CNKSR2: variants seen among roughly 807,000 people sequenced by gnomAD.
The protein encoded by CNKSR2 is CNK homolog protein 2.
A neutral mutation model predicts 84.4 loss-of-function variants in CNKSR2; 14 were observed. That is an observed-to-expected ratio of 0.17 (90% confidence interval 0.11 to 0.26). The LOEUF (loss-of-function observed/expected upper bound fraction) is 0.26, where lower values mean the gene tolerates loss of function less well. Ranked by LOEUF, CNKSR2 falls within the 10% of genes least tolerant of loss-of-function variation. The pLI, the probability that CNKSR2 is intolerant of heterozygous loss-of-function variation, is 1.00. For missense variants in CNKSR2, 485 were observed against 771.2 expected, an observed-to-expected ratio of 0.63 and a Z score of 4.40; for synonymous variants, 275 against 277.9, an observed-to-expected ratio of 0.99 and a Z score of 0.10.
At chrX:21,436,783 C>T (rs891454465) in intron 3 of CNKSR2, among the ~76,000 whole-genome samples, 1 of 110,969 alleles carries the variant, frequency 9.0e-6, no homozygotes, top group African/African-American at 3.3e-5. Flanking sequence ...ATCGTTTTTA[C>T]TCTCATAGAT....
intron 21 of CNKSR2, among the ~76,000 whole-genome samples, chrX:21,651,166 T>C (rs778408679): frequency 1.2e-3 from 134 of 112,101 alleles, no homozygotes; most frequent in African/African-American, 4.1e-3. Context: ...TCACTAAGTA[T>C]TGATGAATCA....
intron 5 of CNKSR2, among the ~76,000 whole-genome samples, chrX:21,472,333 A>G (rs767441630): frequency 8.9e-6 from 1 of 111,892 alleles, no homozygotes; most frequent in Non-Finnish European, 1.9e-5. Context: ...CATTGTGTTT[A>G]CTTCAAGGCT....
chrX:21,618,030 G>A (rs1430929209), intron 20 of CNKSR2, among the ~76,000 whole-genome samples: 2 of 107,321 alleles, frequency 1.9e-5, no homozygotes, highest in African/African-American at 6.8e-5. Flanking sequence ...AGTACTTTCA[G>A]TTTATACCAA....
chrX:21,599,628 G>T (rs947801737), intron 17 of CNKSR2, among the ~76,000 whole-genome samples: 3 of 111,338 alleles, frequency 2.7e-5, no homozygotes, highest in Admixed American at 1.9e-4. Context: ...GCCTCCCAAA[G>T]TGCTGGGATT....
chrX:21,390,497 A>G (rs919353166), intron 1 of CNKSR2, among the ~76,000 whole-genome samples: 1 of 111,132 alleles, frequency 9.0e-6, no homozygotes, highest in Non-Finnish European at 1.9e-5. Context: ...AAGAGAGCAA[A>G]GGGAAAGGTG....
At chrX:21,556,869 G>A (rs775336037) in intron 11 of CNKSR2, among the ~76,000 whole-genome samples, 3 of 110,366 alleles carry the variant, frequency 2.7e-5, no homozygotes, top group Admixed American at 1.9e-4. Flanking sequence ...TTTAAAAAAC[G>A]ATTGGAGAAA....
rs140471773 is a variant in CNKSR2, at chrX:21,647,922, C to T, written c.2693-909C>T. 8.4e-4 allele frequency among the ~76,000 whole-genome samples: 94 copies of T among 111,402 alleles called. 1 individual carries two copies. In the East Asian group the frequency reaches 0.02, roughly 23 times the overall value. The stretch of plus-strand genomic sequence containing the variant: ...TCCAATCTACCACTCCAAGCAAAAT[C>T]CTAGTTCATCTTTGTTTATCATTGT... On this transcript the variant is annotated intron_variant, in intron 20 of 21. Transcript: ENST00000379510.
At chrX:21,382,249 G>A (rs760233642) in intron 1 of CNKSR2, among the ~76,000 whole-genome samples, 1 of 111,596 alleles carries the variant, frequency 9.0e-6, no homozygotes, top group South Asian at 3.7e-4. Flanking sequence ...CATAGTTGTA[G>A]TGCTCTAGCC....
chrX:21,645,767 G>C (rs1421087394), intron 20 of CNKSR2: 5 of 111,255 alleles, frequency 4.5e-5, no homozygotes, highest in Non-Finnish European at 7.6e-5. Context: ...AGGAGATGAA[G>C]AAGAGGGCAA....
chrX:21,646,425 A>G (rs1463931957), intron 20 of CNKSR2, among the ~76,000 whole-genome samples: 1 of 111,895 alleles, frequency 8.9e-6, no homozygotes, highest in Non-Finnish European at 1.9e-5. Flanking sequence ...TTGAATCTTC[A>G]TTCATCCTTC....
intron 3 of CNKSR2, among the ~76,000 whole-genome samples, chrX:21,437,884 C>T (rs748606366): frequency 7.5e-4 from 84 of 111,302 alleles, no homozygotes; most frequent in Non-Finnish European, 1.3e-3. Flanking sequence ...GGATTTTTAA[C>T]AGTTGGTTTC....
At chrX:21,392,313 G>C (rs778224516) in intron 1 of CNKSR2, among the ~76,000 whole-genome samples, 1 of 111,551 alleles carries the variant, frequency 9.0e-6, no homozygotes, top group South Asian at 3.7e-4. Context: ...GTGTTAGTCC[G>C]TTCTCACGTT....
chrX:21,648,826 T>TTTTTGG lies in CNKSR2; in HGVS notation c.2693-5_2693-4insTTTTGG. On this transcript the variant is annotated splice_region_variant and splice_polypyrimidine_tract_variant and intron_variant, in intron 20 of 21. Transcript: ENST00000379510. ...TTTTTTTTTTTTTTTTTTTGGATGT[T>TTTTTGG]GCAGGTGAAAGCAGAGAAGAAAAGT... 1.0e-6 allele frequency: 1 copy of TTTTTGG among 1,001,516 alleles called. No homozygotes were observed. The highest frequency in any genetic ancestry group is 1.3e-6 in the Non-Finnish European group (1 of 758,544). The allele number at this position is 1,001,516 out of a possible 1,213,427, so 82.5% of individuals were successfully genotyped here.
intron 11 of CNKSR2, among the ~76,000 whole-genome samples, chrX:21,534,299 T>C (rs1444476330): frequency 1.8e-5 from 2 of 110,725 alleles, no homozygotes; most frequent in Non-Finnish European, 3.8e-5. Context: ...TATTCTGATA[T>C]ATATATATAT....
intron 5 of CNKSR2, among the ~76,000 whole-genome samples, chrX:21,475,353 T>G (rs1469179312): frequency 8.9e-6 from 1 of 111,923 alleles, no homozygotes; most frequent in African/African-American, 3.2e-5. Flanking sequence ...TTCTAAAAAA[T>G]AAGTATTTTT....
At chrX:21,624,079 G>T (rs2092612678) in intron 20 of CNKSR2, among the ~76,000 whole-genome samples, 1 of 111,552 alleles carries the variant, frequency 9.0e-6, no homozygotes, top group Non-Finnish European at 1.9e-5. Context: ...CTGATATTTA[G>T]AACTACCTTT....
intron 5 of CNKSR2, among the ~76,000 whole-genome samples, chrX:21,482,318 A>G (rs56948066): frequency 0.088 from 9,840 of 111,555 alleles, 1,084 homozygotes; most frequent in African/African-American, 0.31. Context: ...TGTGAAAAGA[A>G]CATTTGACTA....
chrX:21,500,165 T>C (rs1017145183), intron 7 of CNKSR2, among the ~76,000 whole-genome samples: 1 of 111,000 alleles, frequency 9.0e-6, no homozygotes, highest in Non-Finnish European at 1.9e-5. Flanking sequence ...TGTAGATTGA[T>C]CTATCCCCTT....
chrX:21,501,498 G>GT, intron 7 of CNKSR2, 22 bp from the exon 8 acceptor site: 1 of 1,055,151 alleles, frequency 9.5e-7, no homozygotes, highest in Non-Finnish European at 1.3e-6. Flanking sequence ...GTTCTTTATC[G>GT]TTTCTTTTAT....
Sources: allele counts gnomAD v4.1 joint callset (sites outside exome capture counted in the v4.1 genomes callset), GRCh38; gene constraint gnomAD v4.1.1; transcripts MANE v1.5; gene names NCBI Gene and HGNC (gene_info 2026-07-23, HGNC 2026-07-21).